Variants in C19orf47 observed in about 807,000 individuals in gnomAD.
C19orf47 encodes the protein uncharacterized protein C19orf47.
C19orf47 carries 18 observed loss-of-function variants against 32.3 expected under a neutral mutation model. The ratio of observed to expected loss-of-function variants is 0.56; its 90% CI spans 0.39 to 0.83. The LOEUF is 0.83. Ranked by LOEUF, C19orf47 falls within the 40% of genes least tolerant of loss-of-function variation. The probability of loss-of-function intolerance (pLI) is 0.00; values close to 1 mark genes in which losing one functional copy is unlikely to be tolerated. For synonymous variants in C19orf47, 202 were observed against 211.1 expected, an observed-to-expected ratio of 0.96 and a Z score of 0.37; for missense variants, 484 against 531.6, an observed-to-expected ratio of 0.91 and a Z score of 0.88.
chr19:40,341,736 G>A (rs548934515), intron 2 of C19orf47, 103 bp downstream of exon 2: 33 of 1,491,600 alleles, frequency 2.2e-5, no homozygotes, highest in Admixed American at 6.0e-5. Context: ...GTTCCTGCCA[G>A]TGACCCAGTC....
At chr19:40,347,507 G>C (rs1451137462) in intron 1 of C19orf47, among the ~76,000 whole-genome samples, 4 of 151,710 alleles carry the variant, frequency 2.6e-5, no homozygotes, top group African/African-American at 4.8e-5. Flanking sequence ...ACTCCAGCCT[G>C]GGCAACAAGA....
chr19:40,337,288 A>AATAATTATT (rs1555788069), intron 2 of C19orf47, among the ~76,000 whole-genome samples: 1 of 143,216 alleles, frequency 7.0e-6, no homozygotes, highest in Admixed American at 7.1e-5. Flanking sequence ...CCATGACAGC[A>AATAATTATT]ATTATTATTA....
chr19:40,305,526 G>C, the C19orf47 span, among the ~76,000 whole-genome samples: 1 of 152,112 alleles, frequency 6.6e-6, no homozygotes, highest in Non-Finnish European at 1.5e-5. Context: ...ACATGAGCTG[G>C]TCATCCCTGC....
the C19orf47 span, among the ~76,000 whole-genome samples, chr19:40,297,469 G>A: frequency 5.9e-5 from 9 of 152,286 alleles, no homozygotes; most frequent in East Asian, 1.9e-4. Context: ...TTGGGAGGCC[G>A]AGGTGAGTGG....
chr19:40,312,314 G>A, the C19orf47 span, among the ~76,000 whole-genome samples: 2 of 152,056 alleles, frequency 1.3e-5, no homozygotes, highest in Non-Finnish European at 2.9e-5. Flanking sequence ...TTGGGAGGCC[G>A]AGGCGGTCGG....
intron 5 of C19orf47, among the ~76,000 whole-genome samples, chr19:40,333,254 A>AAAAT (rs1166643404): frequency 1.9e-4 from 26 of 139,246 alleles, no homozygotes; most frequent in Middle Eastern, 7.0e-3. Flanking sequence ...ACTCCATCTC[A>AAAAT]AAATAAATAA....
At chr19:40,303,802 T>TG in the C19orf47 span, among the ~76,000 whole-genome samples, 6 of 64,520 alleles carry the variant, frequency 9.3e-5, no homozygotes, top group East Asian at 7.9e-4. Context: ...AGACTTTGTC[T>TG]GAAAAAAAAA....
rs555418376 is a variant in C19orf47, at chr19:40,334,203, C to T, written c.223-274G>A. On this transcript the variant is annotated intron_variant, in intron 4 of 8. Transcript: ENST00000683109. ...GTGGTTCACGCCTGTAATCCCAGCA[C>T]TTCGGGAGGCCGAAGCGGGTGGATC... Among the ~76,000 whole-genome samples, 3 of 152,210 alleles carry T rather than the reference C, an allele frequency of 2.0e-5. No homozygotes were observed. In the South Asian group the frequency reaches 6.2e-4, roughly 32 times the overall value.
Position 40,322,194 on chromosome 19 carries a change from G to A in C19orf47, c.846C>T (p.Ser282=). The A allele has an allele frequency of 6.2e-7, 1 of 1,611,680 alleles. No individual in the cohort carries two copies. Among genetic ancestry groups the A allele is most frequent in the Middle Eastern group, 1.7e-4 (1 of 6,060 alleles). Residue 282 remains serine, a synonymous_variant, in exon 9 of 9, where the codon AGC becomes AGT. Transcript: ENST00000683109. Reference sequence around the variant, plus strand: ...TCGGGGCAGCAGCCGTTGTCGCTGAGCTTGTGGCCTTGGCTTTGACAGTCA... The same window carrying A: ...TCGGGGCAGCAGCCGTTGTCGCTGAACTTGTGGCCTTGGCTTTGACAGTCA... The part of the protein sequence containing the change: ...PALTVKAKAT[S]SATTAAAPTL...
At chr19:40,304,706 C>G in the C19orf47 span, among the ~76,000 whole-genome samples, 2 of 152,082 alleles carry the variant, frequency 1.3e-5, no homozygotes, top group Non-Finnish European at 2.9e-5. Flanking sequence ...TGCATACTTA[C>G]TTAATTAAAA....
At chr19:40,304,823 C>T in the C19orf47 span, among the ~76,000 whole-genome samples, 5 of 152,276 alleles carry the variant, frequency 3.3e-5, no homozygotes, top group South Asian at 1.0e-3. Context: ...CTACACCAGG[C>T]ACATAGTTGG....
chr19:40,324,101 G>C (rs2077779241), intron 7 of C19orf47, 25 bp from the exon 8 acceptor site: 1 of 1,613,896 alleles, frequency 6.2e-7, no homozygotes, highest in East Asian at 2.2e-5. Context: ...AAGCCATCAG[G>C]GAGAGGCCCC....
downstream of C19orf47, among the ~76,000 whole-genome samples, chr19:40,318,933 C>T (rs56672337): frequency 0.13 from 19,832 of 152,146 alleles, 2,073 homozygotes; most frequent in African/African-American, 0.29. Context: ...GAAGGGTACA[C>T]AACAGTGTGA....
At chr19:40,311,409 G>A in the C19orf47 span, among the ~76,000 whole-genome samples, 1 of 151,668 alleles carries the variant, frequency 6.6e-6, no homozygotes, top group Non-Finnish European at 1.5e-5. Flanking sequence ...AAACGTGGTG[G>A]CACGCACCTG....
At chr19:40,344,790 T>C (rs993395578) in intron 1 of C19orf47, among the ~76,000 whole-genome samples, 14 of 152,088 alleles carry the variant, frequency 9.2e-5, no homozygotes, top group South Asian at 4.2e-4. Context: ...ATAGGTCCCA[T>C]TGAGTGCTTA....
At chr19:40,341,504 T>C (rs1460050942) in intron 2 of C19orf47, among the ~76,000 whole-genome samples, 1 of 152,142 alleles carries the variant, frequency 6.6e-6, no homozygotes, top group Non-Finnish European at 1.5e-5. Context: ...TGCCCAAGCT[T>C]TTACATGCTA....
At chr19:40,328,386 T>A (rs68001945) in intron 6 of C19orf47, 27 bp downstream of exon 6, 1 of 1,609,772 alleles carries the variant, frequency 6.2e-7, no homozygotes. Flanking sequence ...CTCCAGCTCC[T>A]CCTACCACCT....
At chr19:40,310,672 A>G in the C19orf47 span, among the ~76,000 whole-genome samples, 1 of 152,218 alleles carries the variant, frequency 6.6e-6, no homozygotes, top group Non-Finnish European at 1.5e-5. Flanking sequence ...ACTAATATAA[A>G]ACAATCTCCA....
chr19:40,321,401 G>A lies in C19orf47; in HGVS notation c.*481C>T. ...GAGAAATGAACAAAGTGAAGACAGGGAGAGAGAGAAGTCACAGCAGTGGGG... is the reference window on the plus strand; with the variant it reads ...GAGAAATGAACAAAGTGAAGACAGGAAGAGAGAGAAGTCACAGCAGTGGGG... On this transcript the variant is annotated 3_prime_UTR_variant, in exon 9 of 9. Coordinates refer to ENST00000683109, the MANE Select transcript of C19orf47 (RefSeq NM_001256441.2). 1 of 993,558 alleles carries A rather than the reference G, an allele frequency of 1.0e-6. No individual in the cohort carries two copies. Among genetic ancestry groups the A allele is most frequent in the Non-Finnish European group, 1.2e-6 (1 of 834,936 alleles). 61.5% of individuals were successfully genotyped at this position (993,558 alleles called of 1,614,324 possible).
Sources: gnomAD v4.1 joint callset for allele counts (sites outside exome capture counted in the v4.1 genomes callset) on GRCh38, gnomAD v4.1.1 for gene constraint, MANE v1.5 for transcripts, NCBI Gene and HGNC (gene_info 2026-07-23, HGNC 2026-07-21) for gene names.